Variants in FMN2 observed in about 807,000 individuals in gnomAD.
FMN2 encodes the protein formin 2, also known as formin-2.
FMN2 carries 51 observed loss-of-function variants against 142.3 expected under a neutral mutation model. The observed-to-expected ratio is 0.36, with a 90% CI of 0.29 to 0.45. FMN2 has a LOEUF of 0.45. FMN2 is among the 20% of genes least tolerant of loss of function. FMN2 has a pLI of 1.00. For synonymous variants in FMN2, 882 were observed against 869.8 expected (o/e 1.01, Z -0.25); for missense variants, 1,936 against 2,122.8 (o/e 0.91, Z 1.73).
intron 6 of FMN2, among the ~76,000 whole-genome samples, chr1:240,212,071 T>G (rs1666711905): frequency 6.6e-6 from 1 of 152,154 alleles, no homozygotes; most frequent in African/African-American, 2.4e-5. Flanking sequence ...CAGCTCAGTC[T>G]TGGGAAGCAA....
At chr1:240,460,368 T>C (rs1269390676) in intron 16 of FMN2, among the ~76,000 whole-genome samples, 1 of 152,124 alleles carries the variant, frequency 6.6e-6, no homozygotes, top group Admixed American at 6.5e-5. Context: ...AAGGCGGGCA[T>C]ATCACCTGAG....
intron 6 of FMN2, among the ~76,000 whole-genome samples, chr1:240,226,286 C>T (rs1178962261): frequency 6.6e-6 from 1 of 152,096 alleles, no homozygotes; most frequent in Non-Finnish European, 1.5e-5. Context: ...AGTATGAATG[C>T]AGTGAAAGAA....
chr1:240,091,965 G>A lies in FMN2; in HGVS notation c.-145G>A. ...CGGCAGATGCGAGCGGGGCCAGCCG[G>A]GCGCGCGTCGGCCTCCCCTCCCAGC... On this transcript the variant is annotated 5_prime_UTR_variant, in exon 1 of 18. Coordinates refer to ENST00000319653, the MANE Select transcript of FMN2 (RefSeq NM_020066.5). The A allele has an allele frequency of 7.6e-7, 1 of 1,316,838 alleles. No individual in the cohort carries two copies. The highest frequency in any genetic ancestry group is 9.8e-7 in the Non-Finnish European group (1 of 1,020,914). The allele number at this position is 1,316,838 out of a possible 1,614,324, so 81.6% of individuals were successfully genotyped here. A position where few individuals can be genotyped will look rare whatever the true frequency, so the allele number is the denominator to read the frequency against.
chr1:240,467,940 T>C (rs1339261880), intron 16 of FMN2, among the ~76,000 whole-genome samples: 1 of 152,186 alleles, frequency 6.6e-6, no homozygotes. Flanking sequence ...CTCTGCTTTC[T>C]GTGTTGTTTG....
rs372210805 is a variant in FMN2 at position 240,138,753 on chromosome 1, C to A, written c.1782+15408C>A. ...TGTGGTCACACAATTTGTTTTTCCCCCTTTTAAAGGACTTCCAAGTATCCA... is the reference window on the plus strand; with the variant it reads ...TGTGGTCACACAATTTGTTTTTCCCACTTTTAAAGGACTTCCAAGTATCCA... On this transcript the variant is annotated intron_variant, in intron 2 of 17. Transcript: ENST00000319653. Among the ~76,000 whole-genome samples the A allele has an allele frequency of 4.9e-4, 74 of 152,242 alleles. 1 individual carries two copies. In the East Asian group the frequency reaches 9.1e-3, roughly 19 times the overall value.
intron 6 of FMN2, among the ~76,000 whole-genome samples, chr1:240,256,959 A>C (rs1292129087): frequency 6.6e-6 from 1 of 152,214 alleles, no homozygotes; most frequent in Non-Finnish European, 1.5e-5. Flanking sequence ...GACCCAACTT[A>C]AACCATAAGG....
chr1:240,228,606 A>G (rs559588856), intron 6 of FMN2, among the ~76,000 whole-genome samples: 1 of 152,280 alleles, frequency 6.6e-6, no homozygotes, highest in Admixed American at 6.5e-5. Flanking sequence ...AGGTGCAGCC[A>G]TTTGAATTTC....
In FMN2 at chr1:240,092,188, C is replaced by T. The variant is rs1660996391; in HGVS notation, c.79C>T (p.Leu27=). Residue 27 remains leucine, a synonymous_variant, in exon 1 of 18, where the codon CTG becomes TTG. Transcript: ENST00000319653. Reference sequence around the variant, plus strand: ...AGGCGGCGGTGGCGCCGAGGATGCGCTGGGGCCCAGGGATGTGGAAGCCAC... The same window carrying T: ...AGGCGGCGGTGGCGCCGAGGATGCGTTGGGGCCCAGGGATGTGGAAGCCAC... The part of the protein sequence containing the change: ...HEGGGGAEDA[L]GPRDVEATKK... 6.3e-7 allele frequency: 1 copy of T among 1,578,346 alleles called. No homozygotes were observed. The highest frequency in any genetic ancestry group is 8.6e-7 in the Non-Finnish European group (1 of 1,163,772).
intron 1 of FMN2, among the ~76,000 whole-genome samples, chr1:240,117,077 T>C (rs1305806521): frequency 1.3e-5 from 2 of 152,020 alleles, no homozygotes; most frequent in Non-Finnish European, 2.9e-5. Context: ...AGAAGTGAGA[T>C]CTTGGCACGC....
chr1:240,121,093 G>A (rs892114355), intron 1 of FMN2, among the ~76,000 whole-genome samples: 2 of 152,166 alleles, frequency 1.3e-5, no homozygotes, highest in African/African-American at 4.8e-5. Context: ...CCCGGGAGGC[G>A]GAGGTTGCAG....
chr1:240,267,751 C>A (rs1489573170), intron 7 of FMN2, among the ~76,000 whole-genome samples: 3 of 151,922 alleles, frequency 2.0e-5, no homozygotes, highest in African/African-American at 7.3e-5. Flanking sequence ...TTTCTGGTCA[C>A]TTTTAAATAA....
chr1:240,306,839 T>C (rs1670425726), intron 8 of FMN2, among the ~76,000 whole-genome samples: 1 of 152,244 alleles, frequency 6.6e-6, no homozygotes, highest in Admixed American at 6.5e-5. Flanking sequence ...CTGTCCACAG[T>C]GGCTGGACTA....
chr1:240,361,138 TGTG>T (rs1558452462), intron 14 of FMN2, among the ~76,000 whole-genome samples: 290 of 17,756 alleles, frequency 0.016, 1 homozygote, highest in African/African-American at 0.14. Flanking sequence ...AATAAATATA[TGTG>T]TATATATATA....
chr1:240,204,737 G>A (rs1666259926), intron 4 of FMN2, among the ~76,000 whole-genome samples: 1 of 152,034 alleles, frequency 6.6e-6, no homozygotes, highest in Non-Finnish European at 1.5e-5. Flanking sequence ...GGCGACAAGA[G>A]CGAAACTCCG....
chr1:240,104,027 C>T (rs1331247077), intron 1 of FMN2, among the ~76,000 whole-genome samples: 1 of 151,652 alleles, frequency 6.6e-6, no homozygotes, highest in Non-Finnish European at 1.5e-5. Context: ...CAGGCGCCCG[C>T]CACCTCGCCT....
chr1:240,248,388 AACAT>A (rs980257495), intron 6 of FMN2, among the ~76,000 whole-genome samples: 2 of 144,154 alleles, frequency 1.4e-5, no homozygotes. Context: ...ATATATATAT[AACAT>A]ACATGTTATT....
chr1:240,143,318 C>G, intron 2 of FMN2: 1 of 1,510,508 alleles, frequency 6.6e-7, no homozygotes, highest in Non-Finnish European at 9.2e-7. Flanking sequence ...GCTAAAGGTA[C>G]AGCCCTCCGG....
In FMN2 at chr1:240,122,607, T is replaced by C. The variant is rs149137128; in HGVS notation, c.1616-572T>C. On this transcript the variant is annotated intron_variant, in intron 1 of 17. Coordinates refer to ENST00000319653, the MANE Select transcript of FMN2 (RefSeq NM_020066.5). The stretch of plus-strand genomic sequence containing the variant: ...CTTGGATCCAAATTTAAATCCAAAA[T>C]TGGATTTACCAATTAAATCCAAAAG... Among the ~76,000 whole-genome samples, 630 of 152,164 alleles carry C rather than the reference T, an allele frequency of 4.1e-3. 4 individuals are homozygous for C. Among genetic ancestry groups the C allele is most frequent in the Non-Finnish European group, 6.3e-3 (430 of 68,012 alleles).
intron 8 of FMN2, among the ~76,000 whole-genome samples, chr1:240,311,416 G>C (rs570834885): frequency 7.0e-4 from 107 of 152,112 alleles, no homozygotes; most frequent in African/African-American, 2.4e-3. Flanking sequence ...GAGGAGTATT[G>C]ACTTTCCCCA....
Sources: gnomAD v4.1 joint callset for allele counts (sites outside exome capture counted in the v4.1 genomes callset) on GRCh38, gnomAD v4.1.1 for gene constraint, MANE v1.5 for transcripts, NCBI Gene and HGNC (gene_info 2026-07-23, HGNC 2026-07-21) for gene names.